PSD3: variants seen among roughly 807,000 people sequenced by gnomAD.
The protein encoded by PSD3 is pleckstrin and Sec7 domain containing 3.
Under a neutral mutation model 105.5 loss-of-function variants are expected in PSD3, and 49 were observed. The ratio of observed to expected loss-of-function variants is 0.46; its 90% CI spans 0.37 to 0.59. The LOEUF (loss-of-function observed/expected upper bound fraction) is 0.59. Ranked by LOEUF, PSD3 falls within the 20% of genes least tolerant of loss-of-function variation. The pLI is 0.00. For missense variants in PSD3, 1,561 were observed against 1,263.8 expected (o/e 1.24, Z -3.57); for synonymous variants, 557 against 457.8 (o/e 1.22, Z -2.77).
chr8:18,817,719 G>T (rs929357305), intron 4 of PSD3, among the ~76,000 whole-genome samples: 1 of 152,268 alleles, frequency 6.6e-6, no homozygotes, highest in South Asian at 2.1e-4. Context: ...CCTTATTACG[G>T]AATCTAGAGA....
At chr8:18,942,368 C>T (rs527634068) in intron 1 of PSD3, among the ~76,000 whole-genome samples, 1 of 152,172 alleles carries the variant, frequency 6.6e-6, no homozygotes, top group Non-Finnish European at 1.5e-5. Context: ...CATTGCCCAG[C>T]AGAAGCCAGG....
chr8:18,909,292 T>C (rs1041300487), intron 2 of PSD3, among the ~76,000 whole-genome samples: 1 of 152,154 alleles, frequency 6.6e-6, no homozygotes, highest in African/African-American at 2.4e-5. Context: ...GGTTTGACCG[T>C]GGCCCCATTA....
At chr8:18,859,747 C>T (rs986075371) in intron 4 of PSD3, among the ~76,000 whole-genome samples, 8 of 151,590 alleles carry the variant, frequency 5.3e-5, no homozygotes, top group Non-Finnish European at 1.0e-4. Context: ...CTGCAGCTCC[C>T]TCACCTGTCT....
intron 1 of PSD3, among the ~76,000 whole-genome samples, chr8:19,061,160 G>T (rs1190051239): frequency 6.6e-6 from 1 of 152,044 alleles, no homozygotes; most frequent in African/African-American, 2.4e-5. Context: ...AGTTTAAAAA[G>T]AAATATATAA....
intron 9 of PSD3, among the ~76,000 whole-genome samples, chr8:18,723,103 C>T (rs1803111778): frequency 6.6e-6 from 1 of 152,146 alleles, no homozygotes. Context: ...ACAAACCATG[C>T]TCCGTTGAAT....
intron 2 of PSD3, among the ~76,000 whole-genome samples, chr8:18,923,070 G>C (rs2129467556): frequency 6.6e-6 from 1 of 152,256 alleles, no homozygotes; most frequent in Non-Finnish European, 1.5e-5. Context: ...TAGGGGATGG[G>C]ACTGAAAGTC....
At chr8:19,081,038 C>A (rs1247336257) in intron 1 of PSD3, among the ~76,000 whole-genome samples, 1 of 152,284 alleles carries the variant, frequency 6.6e-6, no homozygotes, top group East Asian at 1.9e-4. Flanking sequence ...AAGTTCAAAT[C>A]AAATGTGAAC....
At chr8:18,767,009 A>G (rs1443462744) in intron 8 of PSD3, among the ~76,000 whole-genome samples, 1 of 152,204 alleles carries the variant, frequency 6.6e-6, no homozygotes, top group Non-Finnish European at 1.5e-5. Flanking sequence ...AGCATCTTCC[A>G]AAGCTACTCA....
intron 11 of PSD3, among the ~76,000 whole-genome samples, chr8:18,621,381 C>T (rs1022817989): frequency 1.3e-5 from 2 of 152,200 alleles, no homozygotes; most frequent in African/African-American, 4.8e-5. Context: ...GCACTCCAGC[C>T]TGGGCAACAG....
chr8:18,698,560 C>A (rs1012645345), intron 9 of PSD3, among the ~76,000 whole-genome samples: 1 of 152,118 alleles, frequency 6.6e-6, no homozygotes, highest in Non-Finnish European at 1.5e-5. Flanking sequence ...CTGGAAAAGA[C>A]AAGCAAAAAG....
At chr8:18,935,975 T>C in intron 2 of PSD3, 59 bp downstream of exon 2, 1 of 1,134,492 alleles carries the variant, frequency 8.8e-7, no homozygotes, top group Non-Finnish European at 1.3e-6. Context: ...GAAAAATCAC[T>C]TTGAAATCAC....
At chr8:18,691,585 G>A (rs1022393656) in intron 9 of PSD3, among the ~76,000 whole-genome samples, 1 of 152,210 alleles carries the variant, frequency 6.6e-6, no homozygotes, top group Non-Finnish European at 1.5e-5. Context: ...ATACAGAAAT[G>A]CTATTTCACA....
chr8:18,580,256 T>G (rs141832938), intron 12 of PSD3, among the ~76,000 whole-genome samples: 1 of 152,036 alleles, frequency 6.6e-6, no homozygotes, highest in Non-Finnish European at 1.5e-5. Context: ...AGGCCAGAGA[T>G]GGACCTGCTC....
At chr8:18,708,497 T>G (rs1043996180) in intron 9 of PSD3, among the ~76,000 whole-genome samples, 2 of 152,070 alleles carry the variant, frequency 1.3e-5, no homozygotes, top group African/African-American at 2.4e-5. Flanking sequence ...TAGCAGTACC[T>G]CTGAGTAGAG....
chr8:18,846,998 A>G (rs1815144726), intron 4 of PSD3, among the ~76,000 whole-genome samples: 1 of 152,122 alleles, frequency 6.6e-6, no homozygotes, highest in Admixed American at 6.5e-5. Context: ...TAAAGGGAGA[A>G]AAATTCGCCT....
At chr8:18,756,519 A>C (rs1806053708) in intron 9 of PSD3, among the ~76,000 whole-genome samples, 1 of 150,768 alleles carries the variant, frequency 6.6e-6, no homozygotes, top group South Asian at 2.1e-4. Flanking sequence ...AAGAGAGTTA[A>C]CACTTTAGAA....
intron 11 of PSD3, among the ~76,000 whole-genome samples, chr8:18,605,543 T>C (rs544069006): frequency 1.4e-4 from 21 of 152,174 alleles, no homozygotes; most frequent in Non-Finnish European, 2.4e-4. Flanking sequence ...TCTGAGTTAA[T>C]GGTGGAATGA....
At chr8:18,750,055 A>G (rs1003078851) in intron 9 of PSD3, among the ~76,000 whole-genome samples, 2 of 152,210 alleles carry the variant, frequency 1.3e-5, no homozygotes, top group Non-Finnish European at 2.9e-5. Context: ...GATAATGATC[A>G]ATCTGTGTTG....
intron 8 of PSD3, among the ~76,000 whole-genome samples, chr8:18,795,501 C>G (rs1810094976): frequency 1.3e-5 from 2 of 152,204 alleles, no homozygotes; most frequent in Admixed American, 1.3e-4. Context: ...AAAACAATGC[C>G]CTGGCTACTG....
Sources: allele counts gnomAD v4.1 joint callset (sites outside exome capture counted in the v4.1 genomes callset), GRCh38; gene constraint gnomAD v4.1.1; transcripts MANE v1.5; gene names NCBI Gene and HGNC (gene_info 2026-07-23, HGNC 2026-07-21).